The following GPR161 variants were observed in gnomAD, a reference collection of about 807,000 sequenced individuals.
GPR161 encodes G protein-coupled receptor 161.
In GPR161, 25 loss-of-function variants were observed where a neutral mutation model predicts 39.2. The ratio of observed to expected loss-of-function variants is 0.64; its 90% CI spans 0.47 to 0.89. The LOEUF (loss-of-function observed/expected upper bound fraction) is 0.89. Ranked by LOEUF, GPR161 falls within the 40% of genes least tolerant of loss-of-function variation. The probability of loss-of-function intolerance (pLI) is 0.00; values close to 1 mark genes in which losing one functional copy is unlikely to be tolerated. For synonymous variants in GPR161, 286 were observed against 276.6 expected (o/e 1.03, Z -0.34); for missense variants, 547 against 677.8 (o/e 0.81, Z 2.14).
chr1:168,092,006 C>T (rs1558092061), intron 3 of GPR161, among the ~76,000 whole-genome samples: 1 of 152,204 alleles, frequency 6.6e-6, no homozygotes, highest in Non-Finnish European at 1.5e-5. Flanking sequence ...AATGCACTTT[C>T]TCCTTTCTTC....
chr1:168,103,344 T>A (rs188572595), intron 2 of GPR161, among the ~76,000 whole-genome samples: 5 of 151,658 alleles, frequency 3.3e-5, no homozygotes, highest in Admixed American at 1.3e-4. Flanking sequence ...ACTAAAAACA[T>A]CAACAGTGAT....
chr1:168,110,721 C>T (rs1311817298), intron 1 of GPR161, among the ~76,000 whole-genome samples: 1 of 151,820 alleles, frequency 6.6e-6, no homozygotes, highest in Non-Finnish European at 1.5e-5. Context: ...GTCAGGAGTT[C>T]GAGACCAGCC....
intron 1 of GPR161, among the ~76,000 whole-genome samples, chr1:168,128,435 C>G (rs937646679): frequency 1.3e-5 from 2 of 152,140 alleles, no homozygotes; most frequent in Admixed American, 6.5e-5. Context: ...ACAAGATAGC[C>G]CCCAACAACA....
chr1:168,136,133 C>G (rs1699339930), intron 1 of GPR161: 2 of 1,263,716 alleles, frequency 1.6e-6, no homozygotes, highest in Non-Finnish European at 2.0e-6. Context: ...ATCTCCCTCC[C>G]GCAGATCTGA....
At chr1:168,123,727 T>G (rs570698513) in intron 1 of GPR161, among the ~76,000 whole-genome samples, 1 of 152,310 alleles carries the variant, frequency 6.6e-6, no homozygotes, top group African/African-American at 2.4e-5. Flanking sequence ...AAGTCAATGC[T>G]TGAAGGTGAA....
At chr1:168,110,221 T>C (rs1410742744) in intron 1 of GPR161, among the ~76,000 whole-genome samples, 3 of 150,298 alleles carry the variant, frequency 2.0e-5, no homozygotes, top group Non-Finnish European at 3.0e-5. Context: ...AAAAATATGG[T>C]GGCCAGGCAC....
intron 1 of GPR161, among the ~76,000 whole-genome samples, chr1:168,128,184 G>T (rs911094577): frequency 3.3e-5 from 5 of 152,156 alleles, no homozygotes; most frequent in African/African-American, 1.2e-4. Context: ...AAGCAGAAGA[G>T]CTGAAATGAT....
chr1:168,122,963 T>C (rs751059664), intron 1 of GPR161, among the ~76,000 whole-genome samples: 2 of 152,220 alleles, frequency 1.3e-5, no homozygotes, highest in Non-Finnish European at 2.9e-5. Flanking sequence ...TGGCACATTG[T>C]AGATGTTCAA....
At position 168,084,729 on chromosome 1, in the gene GPR161, C is replaced by T; in HGVS notation, c.*802G>A. On this transcript the variant is annotated 3_prime_UTR_variant, in exon 6 of 6. Transcript: ENST00000682931. ...CCTGGCTGTGCTTGGCACTACAGTC[C>T]CATTCAGTCCGGTAAAACAGTGGTA... 1 of 432,482 alleles carries T rather than the reference C, an allele frequency of 2.3e-6. No individual in the cohort carries two copies. Among genetic ancestry groups the T allele is most frequent in the Non-Finnish European group, 4.6e-6 (1 of 218,138 alleles). The allele number at this position is 432,482 out of a possible 1,614,324, so 26.8% of individuals were successfully genotyped here.
chr1:168,121,277 T>G (rs1698138107), intron 1 of GPR161, among the ~76,000 whole-genome samples: 1 of 152,168 alleles, frequency 6.6e-6, no homozygotes, highest in South Asian at 2.1e-4. Context: ...CCCCAGCAAG[T>G]GGAACAACTC....
chr1:168,119,554 T>C (rs1008597328), intron 1 of GPR161, among the ~76,000 whole-genome samples: 1 of 152,032 alleles, frequency 6.6e-6, no homozygotes, highest in East Asian at 1.9e-4. Flanking sequence ...TTCTACAAGC[T>C]AGAGACTTCT....
At chr1:168,136,998 C>A, upstream of GPR161, 1 of 883,164 alleles carries the variant, frequency 1.1e-6, no homozygotes. Context: ...GCCCCCGGAG[C>A]CCCGAGCCGC....
chr1:168,079,823 G>A lies in GPR161; in HGVS notation c.*5708C>T, dbSNP rs1394995546. 6.6e-6 allele frequency: 1 copy of A among 152,100 alleles called. No individual in the cohort carries two copies. The highest frequency in any genetic ancestry group is 1.5e-5 in the Non-Finnish European group (1 of 68,038). The allele number at this position is 152,100 out of a possible 1,614,324, so 9.4% of individuals were successfully genotyped here. A position where few individuals can be genotyped will look rare whatever the true frequency, so the allele number is the denominator to read the frequency against. On this transcript the variant is annotated 3_prime_UTR_variant, in exon 6 of 6. Transcript: ENST00000682931. ...CTTCTACTGCTCTCAGTGTGGTCTT[G>A]TCTGCCAGGCCTGTGATTCTCCCTA...
intron 2 of GPR161, among the ~76,000 whole-genome samples, chr1:168,103,589 A>AACTGACAGTCTCAAAAAAGCCCGGGGAC (rs1429017118): frequency 2.6e-5 from 4 of 152,036 alleles, no homozygotes; most frequent in Admixed American, 2.0e-4. Context: ...TCGACTGAAA[A>AACTGACAGTCTCAAAAAAGCCCGGGGAC]ACTGACAGTC....
chr1:168,082,613 A>G lies in GPR161; in HGVS notation c.*2918T>C, dbSNP rs1408571697. On this transcript the variant is annotated 3_prime_UTR_variant, in exon 6 of 6. Transcript: ENST00000682931. Reference sequence around the variant, plus strand: ...AATAAGGCGGAAATCTCAATGAAAGAGGCAGAGGTGGGCAGCAGTCCTAAA... The same window carrying G: ...AATAAGGCGGAAATCTCAATGAAAGGGGCAGAGGTGGGCAGCAGTCCTAAA... The G allele has an allele frequency of 6.6e-6, 1 of 152,278 alleles. No homozygotes were observed. The highest frequency in any genetic ancestry group is 1.5e-5 in the Non-Finnish European group (1 of 68,072). The allele number at this position is 152,278 out of a possible 1,614,324, so 9.4% of individuals were successfully genotyped here. A position where few individuals can be genotyped will look rare whatever the true frequency, so the allele number is the denominator to read the frequency against.
chr1:168,108,640 C>A (rs1318066276), intron 1 of GPR161, among the ~76,000 whole-genome samples: 1 of 151,458 alleles, frequency 6.6e-6, no homozygotes, highest in Admixed American at 6.6e-5. Context: ...GTAAATTTCT[C>A]TATTTCTTTA....
intron 3 of GPR161, among the ~76,000 whole-genome samples, chr1:168,090,930 G>C (rs1695001401): frequency 6.6e-6 from 1 of 152,230 alleles, no homozygotes. Flanking sequence ...TGATGACAGA[G>C]GGCCAGGGAG....
chr1:168,136,033 T>A, intron 1 of GPR161: 1 of 1,239,258 alleles, frequency 8.1e-7, no homozygotes, highest in South Asian at 3.6e-5. Context: ...TCATCCCATA[T>A]GCCTTTGTCC....
intron 2 of GPR161, among the ~76,000 whole-genome samples, chr1:168,099,263 T>C (rs777176653): frequency 8.5e-5 from 13 of 152,168 alleles, no homozygotes; most frequent in Non-Finnish European, 1.6e-4. Context: ...TTCTGGCAAA[T>C]GAAATGTGAG....
Sources: allele counts gnomAD v4.1 joint callset (sites outside exome capture counted in the v4.1 genomes callset), GRCh38; gene constraint gnomAD v4.1.1; transcripts MANE v1.5; gene names NCBI Gene and HGNC (gene_info 2026-07-23, HGNC 2026-07-21).